The following ANKS6 variants were observed in gnomAD, a reference collection of about 807,000 sequenced individuals.
ANKS6 encodes the protein ankyrin repeat and sterile alpha motif domain containing 6, also known as ankyrin repeat and SAM domain-containing protein 6.
ANKS6 carries 47 observed loss-of-function variants against 77.9 expected under a neutral mutation model. The ratio of observed to expected loss-of-function variants is 0.60; its 90% CI spans 0.48 to 0.77. The LOEUF (loss-of-function observed/expected upper bound fraction) is 0.77, where lower values mean the gene tolerates loss of function less well. ANKS6 is among the 30% of genes least tolerant of loss of function. The pLI, the probability that ANKS6 is intolerant of heterozygous loss-of-function variation, is 0.00. For missense variants in ANKS6, 1,150 were observed against 1,159.1 expected, an observed-to-expected ratio of 0.99 and a Z score of 0.11; for synonymous variants, 488 against 501.7, an observed-to-expected ratio of 0.97 and a Z score of 0.37.
intron 12 of ANKS6, among the ~76,000 whole-genome samples, chr9:98,751,583 C>T (rs1403615907): frequency 6.6e-6 from 1 of 152,154 alleles, no homozygotes; most frequent in African/African-American, 2.4e-5. Flanking sequence ...AGGCTGTGGC[C>T]TTCCTGAAGG....
chr9:98,775,764 A>G (rs550722872), intron 8 of ANKS6, among the ~76,000 whole-genome samples: 2 of 152,312 alleles, frequency 1.3e-5, no homozygotes, highest in African/African-American at 2.4e-5. Context: ...TTTTCCTTCT[A>G]TATGTTTTAC....
intron 13 of ANKS6, 142 bp from the exon 14 acceptor site, chr9:98,745,817 T>C: frequency 3.1e-6 from 2 of 652,282 alleles, no homozygotes; most frequent in Non-Finnish European, 2.7e-6. Context: ...GTCCTGACTT[T>C]ATGTTTAGAG....
At position 98,791,639 on chromosome 9, in the gene ANKS6, G is replaced by A. The variant is rs1019240044; in HGVS notation, c.360-1033C>T. 6.6e-6 allele frequency among the ~76,000 whole-genome samples: 1 copy of A among 152,158 alleles called. No homozygotes were observed. The highest frequency in any genetic ancestry group is 2.4e-5 in the African/African-American group (1 of 41,444). On this transcript the variant is annotated intron_variant, in intron 1 of 14. Coordinates refer to ENST00000353234, the MANE Select transcript of ANKS6 (RefSeq NM_173551.5). The surrounding 1 kb of genome is among the most constrained non-coding windows in gnomAD (Gnocchi z 4.3). ...GACAAGACAGGGGCTGTCTACTCCA[G>A]GTTTTCGAGACCACAAAGCCACTGT...
intron 11 of ANKS6, among the ~76,000 whole-genome samples, chr9:98,762,038 T>C (rs1226417935): frequency 6.6e-6 from 1 of 152,216 alleles, no homozygotes; most frequent in Non-Finnish European, 1.5e-5. Context: ...CTTCATTTAT[T>C]TAAGCTTCTT....
In ANKS6 at chr9:98,734,188, T is replaced by A. The variant is rs998120407; in HGVS notation, c.*2331A>T. 2.0e-6 allele frequency: 2 copies of A among 985,160 alleles called. No individual in the cohort carries two copies. The highest frequency in any genetic ancestry group is 1.2e-6 in the Non-Finnish European group (1 of 829,962). 61.0% of individuals were successfully genotyped at this position (985,160 alleles called of 1,614,324 possible). On this transcript the variant is annotated 3_prime_UTR_variant, in exon 15 of 15. Transcript: ENST00000353234. ...GAACCAGCACACAAACTTCCTAGGA[T>A]GAAAAGCCTTGGACACTTGAGTCCA...
rs546594512 is a variant in ANKS6 at position 98,735,014 on chromosome 9, G to A, written c.*1505C>T. On this transcript the variant is annotated 3_prime_UTR_variant, in exon 15 of 15. Coordinates refer to ENST00000353234, the MANE Select transcript of ANKS6 (RefSeq NM_173551.5). ...ACAGCCTCTGAAAGCCAGCATAGGG[G>A]AATGGGCTTTCATGGCTGGGGGAGG... The A allele has an allele frequency of 1.1e-5, 11 of 985,346 alleles. No individual in the cohort carries two copies. Among genetic ancestry groups the A allele is most frequent in the Non-Finnish European group, 1.3e-5 (11 of 829,958 alleles). The allele number at this position is 985,346 out of a possible 1,614,324, so 61.0% of individuals were successfully genotyped here. A position where few individuals can be genotyped will look rare whatever the true frequency, so the allele number is the denominator to read the frequency against.
chr9:98,733,705 C>A lies in ANKS6; in HGVS notation c.*2814G>T. 2 of 985,440 alleles carry A rather than the reference C, an allele frequency of 2.0e-6. No homozygotes were observed. Among genetic ancestry groups the A allele is most frequent in the Non-Finnish European group, 2.4e-6 (2 of 829,950 alleles). The allele number at this position is 985,440 out of a possible 1,614,324, so 61.0% of individuals were successfully genotyped here. A position where few individuals can be genotyped will look rare whatever the true frequency, so the allele number is the denominator to read the frequency against. ...TGAGTTTCTTGGCCCTGTGAAGAGG[C>A]CTGACCCATGCTGGCATGCTGAAGG... On this transcript the variant is annotated 3_prime_UTR_variant, in exon 15 of 15. Transcript: ENST00000353234.
rs758020659 is a variant in ANKS6 at position 98,784,089 on chromosome 9, C to T, written c.976G>A (p.Gly326Arg). The change falls in exon 4 of 15, where the codon GGG (glycine) becomes AGG (arginine). Residue 326 changes from glycine to arginine, a missense_variant. By Grantham distance (125) the Gly-to-Arg change is moderately radical. Coordinates refer to ENST00000353234, the MANE Select transcript of ANKS6 (RefSeq NM_173551.5). ...GCTGCTAGCATCAGTGGCGTCGCCC[C>T]GTCCCCATTGACCAAGTTCACGTGG... ...PSHVNLVNGD[G>R]ATPLMLAAVT... 1.3e-5 allele frequency: 20 copies of T among 1,598,452 alleles called. No homozygotes were observed. Among genetic ancestry groups the T allele is most frequent in the Admixed American group, 1.7e-5 (1 of 57,948 alleles).
Position 98,768,098 on chromosome 9 carries a change from T to C in ANKS6, c.2125A>G (p.Ser709Gly), listed in dbSNP as rs1833402510. The change falls in exon 11 of 15, where the codon AGC becomes GGC. Residue 709 changes from serine (S) to glycine (G), a missense_variant. Ser to Gly is a moderately conservative substitution (Grantham distance 56). Transcript: ENST00000353234. ...ACAAGCACCTTGCCAACAGGAGCGCTGCCACCTGCAGGGGAGGCTGGAAGC... is the reference window on the plus strand; with the variant it reads ...ACAAGCACCTTGCCAACAGGAGCGCCGCCACCTGCAGGGGAGGCTGGAAGC... ...SELPASPAGG[S>G]APVGKKLETS... The C allele has an allele frequency of 1.9e-6, 3 of 1,610,736 alleles. No individual in the cohort carries two copies. Among genetic ancestry groups the C allele is most frequent in the Non-Finnish European group, 2.5e-6 (3 of 1,178,848 alleles).
rs1015390055 is a variant in ANKS6, at chr9:98,791,100, G to A, written c.360-494C>T. 2.0e-5 allele frequency among the ~76,000 whole-genome samples: 3 copies of A among 152,142 alleles called. No individual in the cohort carries two copies. Among genetic ancestry groups the A allele is most frequent in the African/African-American group, 4.8e-5 (2 of 41,400 alleles). The stretch of plus-strand genomic sequence containing the variant: ...GTCAGGACAGGTCTGTGTGAATGCC[G>A]CTGCCCTTGCTTTTTCTCTTACACC... On this transcript the variant is annotated intron_variant, in intron 1 of 14. Coordinates refer to ENST00000353234, the MANE Select transcript of ANKS6 (RefSeq NM_173551.5). The surrounding 1 kb of genome is among the most constrained non-coding windows in gnomAD (Gnocchi z 4.3).
At position 98,778,128 on chromosome 9, in the gene ANKS6, T is replaced by C. The variant is rs1475572380; in HGVS notation, c.1567+98A>G. 8.6e-6 allele frequency: 12 copies of C among 1,400,080 alleles called. No homozygotes were observed. The Admixed American group carries it at 1.7e-4, about 20-fold the overall frequency. The allele number at this position is 1,400,080 out of a possible 1,614,324, so 86.7% of individuals were successfully genotyped here. A position where few individuals can be genotyped will look rare whatever the true frequency, so the allele number is the denominator to read the frequency against. ...GCTCCAGTGTCCCATTCCAACATCA[T>C]CTTACCCCTGACAGCAACCCAGGAG... On this transcript the variant is annotated intron_variant, in intron 7 of 14. Coordinates refer to ENST00000353234, the MANE Select transcript of ANKS6 (RefSeq NM_173551.5).
chr9:98,771,762 G>A (rs1421929768), intron 9 of ANKS6, among the ~76,000 whole-genome samples: 6 of 152,066 alleles, frequency 3.9e-5, no homozygotes, highest in South Asian at 2.1e-4. Context: ...CTCAGGTCTC[G>A]GAGGCCTTCA....
Position 98,734,872 on chromosome 9 carries a change from T to C in ANKS6, c.*1647A>G. 1.0e-6 allele frequency: 1 copy of C among 985,482 alleles called. No individual in the cohort carries two copies. Among genetic ancestry groups the C allele is most frequent in the Non-Finnish European group, 1.2e-6 (1 of 829,954 alleles). 61.0% of individuals were successfully genotyped at this position (985,482 alleles called of 1,614,324 possible). On this transcript the variant is annotated 3_prime_UTR_variant, in exon 15 of 15. Transcript: ENST00000353234. The stretch of plus-strand genomic sequence containing the variant: ...TAACAGCTAAATGAAACACTTTGTC[T>C]TCAGTCCTGTGGAAAGTTGGCTTCT...
At chr9:98,754,503 G>C (rs1254775718) in intron 12 of ANKS6, among the ~76,000 whole-genome samples, 1 of 152,056 alleles carries the variant, frequency 6.6e-6, no homozygotes, top group Admixed American at 6.5e-5. Flanking sequence ...TTAGCCAGGC[G>C]TGGTGGCGGG....
intron 13 of ANKS6, among the ~76,000 whole-genome samples, chr9:98,747,868 C>G (rs990297867): frequency 6.6e-6 from 1 of 152,244 alleles, no homozygotes; most frequent in Non-Finnish European, 1.5e-5. Context: ...TCCACATTGT[C>G]CAGGCCCTGA....
At chr9:98,787,862 C>T (rs372783787) in intron 2 of ANKS6, among the ~76,000 whole-genome samples, 1 of 152,210 alleles carries the variant, frequency 6.6e-6, no homozygotes, top group Non-Finnish European at 1.5e-5. Flanking sequence ...CTGGAAGACC[C>T]GAGGTTCGCT....
Position 98,782,455 on chromosome 9 carries a change from G to A in ANKS6, c.1219+12C>T. The A allele has an allele frequency of 6.2e-7, 1 of 1,611,348 alleles. No homozygotes were observed. The highest frequency in any genetic ancestry group is 8.5e-7 in the Non-Finnish European group (1 of 1,177,620). ...TGGGTAGATTTACAACCCTTTTCTT[G>A]AAATTACCTACCGGGATCATTCAGC... is the stretch of plus-strand genomic sequence containing the variant. On this transcript the variant is annotated intron_variant, in intron 5 of 14. Coordinates refer to ENST00000353234, the MANE Select transcript of ANKS6 (RefSeq NM_173551.5).
At chr9:98,783,736 G>A in intron 4 of ANKS6, 1 of 410,382 alleles carries the variant, frequency 2.4e-6, no homozygotes, top group Non-Finnish European at 4.2e-6. Context: ...GGGCCATTGT[G>A]AAATTCTGTG....
Position 98,756,473 on chromosome 9 carries a change from T to A in ANKS6, c.2273A>T (p.His758Leu), listed in dbSNP as rs777640019. 1.4e-5 allele frequency: 22 copies of A among 1,613,502 alleles called. No individual in the cohort carries two copies. In the Admixed American group the frequency reaches 3.3e-4, roughly 24 times the overall value. ...GCCCCCACTGCTCTTGGACTGCCGATGGGATGACGAGGAAGACACTGAGGA... is the reference window on the plus strand; with the variant it reads ...GCCCCCACTGCTCTTGGACTGCCGAAGGGATGACGAGGAAGACACTGAGGA... ...AESSVSSSSS[H>L]RQSKSSGGSS... The change falls in exon 12 of 15, where the codon CAT (histidine) becomes CTT (leucine). Residue 758 changes from histidine to leucine, a missense_variant. Coordinates refer to ENST00000353234, the MANE Select transcript of ANKS6 (RefSeq NM_173551.5).
Sources: gnomAD v4.1 joint callset for allele counts (sites outside exome capture counted in the v4.1 genomes callset) on GRCh38, gnomAD v4.1.1 for gene constraint, Gnocchi (gnomAD v3.1) non-coding constraint, MANE v1.5 for transcripts, NCBI Gene and HGNC (gene_info 2026-07-23, HGNC 2026-07-21) for gene names.